The following SPAG16 variants were observed in gnomAD, a reference collection of about 807,000 sequenced individuals.
SPAG16 encodes sperm associated antigen 16, also known as sperm-associated antigen 16 protein.
In SPAG16, 86 loss-of-function variants were observed where a neutral mutation model predicts 80.4. That is an observed-to-expected ratio of 1.07 (90% CI 0.90 to 1.28). SPAG16 has a LOEUF of 1.28. Ranked by LOEUF, SPAG16 falls within the 50% of genes most tolerant of loss-of-function variation. SPAG16 has a pLI of 0.00. For missense variants in SPAG16, 870 were observed against 765.3 expected, an observed-to-expected ratio of 1.14 and a Z score of -1.61; for synonymous variants, 294 against 265.9, an observed-to-expected ratio of 1.11 and a Z score of -1.03.
At chr2:213,334,033 A>C (rs1326079273) in intron 5 of SPAG16, among the ~76,000 whole-genome samples, 1 of 152,164 alleles carries the variant, frequency 6.6e-6, no homozygotes, top group East Asian at 1.9e-4. Flanking sequence ...GAAGAGACAA[A>C]CCCATAGAAT....
At chr2:214,126,367 A>G (rs2054498587) in intron 14 of SPAG16, among the ~76,000 whole-genome samples, 2 of 151,012 alleles carry the variant, frequency 1.3e-5, no homozygotes, top group Non-Finnish European at 2.9e-5. Flanking sequence ...GGCCCTTCCA[A>G]TTTCCTTCAT....
At chr2:213,317,776 A>G (rs1310397966) in intron 5 of SPAG16, 1 of 972,432 alleles carries the variant, frequency 1.0e-6, no homozygotes, top group East Asian at 1.1e-4. Flanking sequence ...AAGGAATAAT[A>G]TAAACTGTGG....
chr2:213,871,831 A>G (rs1464760678), intron 11 of SPAG16, among the ~76,000 whole-genome samples: 1 of 142,692 alleles, frequency 7.0e-6, no homozygotes, highest in Admixed American at 7.3e-5. Flanking sequence ...GAATTACCTC[A>G]GGAAATTCAC....
At chr2:214,302,201 G>T (rs944055304) in intron 15 of SPAG16, among the ~76,000 whole-genome samples, 1 of 152,134 alleles carries the variant, frequency 6.6e-6, no homozygotes, top group African/African-American at 2.4e-5. Context: ...AGGCAAATAT[G>T]TAATTATTTT....
intron 9 of SPAG16, among the ~76,000 whole-genome samples, chr2:213,392,708 G>A (rs918797896): frequency 5.3e-5 from 8 of 151,976 alleles, no homozygotes; most frequent in Admixed American, 2.6e-4. Context: ...TTAGCCAGGC[G>A]TGGTGGCGGG....
At chr2:213,594,022 G>A (rs1033550851) in intron 10 of SPAG16, among the ~76,000 whole-genome samples, 1 of 151,610 alleles carries the variant, frequency 6.6e-6, no homozygotes. Flanking sequence ...TGATCGGCCT[G>A]CCTCGGCCTC....
At chr2:213,800,521 C>G (rs10932498) in intron 10 of SPAG16, among the ~76,000 whole-genome samples, 1 of 151,742 alleles carries the variant, frequency 6.6e-6, no homozygotes, top group Non-Finnish European at 1.5e-5. Context: ...GTGCACACCA[C>G]CATGCTCGTT....
chr2:213,855,275 CT>C (rs1295972934), intron 10 of SPAG16, among the ~76,000 whole-genome samples: 1 of 152,206 alleles, frequency 6.6e-6, no homozygotes, highest in Non-Finnish European at 1.5e-5. Context: ...TTGCTTTCAT[CT>C]AAAAAAGGAA....
chr2:214,014,512 A>C (rs1161656494), intron 13 of SPAG16, among the ~76,000 whole-genome samples: 1 of 152,178 alleles, frequency 6.6e-6, no homozygotes, highest in Admixed American at 6.5e-5. Flanking sequence ...CTGCTGGAAG[A>C]GTGTGGATGG....
At chr2:214,313,266 C>T (rs72952023) in intron 15 of SPAG16, among the ~76,000 whole-genome samples, 14,680 of 152,010 alleles carry the variant, frequency 0.097, 801 homozygotes, top group Middle Eastern at 0.15. Context: ...TTATTCCAAC[C>T]AATACTACTA....
chr2:214,128,911 TAC>T (rs2125487832), intron 14 of SPAG16, among the ~76,000 whole-genome samples: 1 of 151,940 alleles, frequency 6.6e-6, no homozygotes, highest in East Asian at 1.9e-4. Context: ...ACTTCCCCGC[TAC>T]TAAAGCGGGG....
At chr2:214,065,652 T>G (rs1209709039) in intron 13 of SPAG16, among the ~76,000 whole-genome samples, 2 of 152,142 alleles carry the variant, frequency 1.3e-5, no homozygotes, top group Non-Finnish European at 2.9e-5. Context: ...GATTACCAAA[T>G]ACATATAGTT....
At chr2:214,139,078 T>C (rs1316451946) in intron 14 of SPAG16, among the ~76,000 whole-genome samples, 2 of 152,164 alleles carry the variant, frequency 1.3e-5, no homozygotes, top group African/African-American at 2.4e-5. Context: ...TGTTTAATCA[T>C]TCTTTCTTCT....
rs559848950 is a variant in SPAG16 at position 213,646,920 on chromosome 2, C to A, written c.1070+156830C>A. Among the ~76,000 whole-genome samples, 12 of 152,110 alleles carry A rather than the reference C, an allele frequency of 7.9e-5. No individual in the cohort carries two copies. The South Asian group carries it at 1.7e-3, about 21-fold the overall frequency. ...TTATAAATCCACAAAATGAATATAC[C>A]ACAATGACACACAACAGCATGCATG... is the stretch of plus-strand genomic sequence containing the variant. On this transcript the variant is annotated intron_variant, in intron 10 of 15. Transcript: ENST00000331683.
chr2:213,833,928 T>C (rs2662641), intron 10 of SPAG16, among the ~76,000 whole-genome samples: 136,196 of 151,554 alleles, frequency 0.9, 62,792 homozygotes, highest in Non-Finnish European at 1. Flanking sequence ...TGGCTGTGTC[T>C]GCACCCAAAT....
intron 15 of SPAG16, among the ~76,000 whole-genome samples, chr2:214,250,472 A>T (rs2125846731): frequency 6.6e-6 from 1 of 151,162 alleles, no homozygotes; most frequent in South Asian, 2.1e-4. Context: ...AGTTTCTCAA[A>T]CCTAATCATA....
In SPAG16 at chr2:213,375,135, T is replaced by C; in HGVS notation, c.942+16T>C. ...CAATACAAAGGTATGATATTTGTTTTTGTTTGCATTAAGTCATACTTAACT... is the reference window on the plus strand; with the variant it reads ...CAATACAAAGGTATGATATTTGTTTCTGTTTGCATTAAGTCATACTTAACT... On this transcript the variant is annotated intron_variant, in intron 9 of 15. Coordinates refer to ENST00000331683, the MANE Select transcript of SPAG16 (RefSeq NM_024532.5). 6.5e-7 allele frequency: 1 copy of C among 1,537,978 alleles called. No individual in the cohort carries two copies. Among genetic ancestry groups the C allele is most frequent in the Non-Finnish European group, 8.9e-7 (1 of 1,125,204 alleles).
chr2:214,272,919 G>T (rs1254134604), intron 15 of SPAG16, among the ~76,000 whole-genome samples: 1 of 152,144 alleles, frequency 6.6e-6, no homozygotes, highest in Non-Finnish European at 1.5e-5. Flanking sequence ...CAGTGTAAAA[G>T]TGTTCCTATT....
chr2:214,261,892 C>T (rs1172308514), intron 15 of SPAG16, among the ~76,000 whole-genome samples: 1 of 152,074 alleles, frequency 6.6e-6, no homozygotes, highest in Non-Finnish European at 1.5e-5. Context: ...TTCTTGGTAG[C>T]ATAGATCATC....
Sources: gnomAD v4.1 joint callset for allele counts (sites outside exome capture counted in the v4.1 genomes callset) on GRCh38, gnomAD v4.1.1 for gene constraint, MANE v1.5 for transcripts, NCBI Gene and HGNC (gene_info 2026-07-23, HGNC 2026-07-21) for gene names.